Variants in TTC17 observed in about 807,000 individuals in gnomAD.
TTC17 encodes tetratricopeptide repeat domain 17.
A neutral mutation model predicts 143.8 loss-of-function variants in TTC17; 58 were observed. That is an observed-to-expected ratio of 0.40 (90% confidence interval 0.33 to 0.50). The LOEUF (loss-of-function observed/expected upper bound fraction) is 0.50. Ranked by LOEUF, TTC17 falls within the 20% of genes least tolerant of loss-of-function variation. The pLI is 0.49. For missense variants in TTC17, 1,273 were observed against 1,392.5 expected (o/e 0.91, Z 1.37); for synonymous variants, 501 against 497.8 (o/e 1.01, Z -0.09).
intron 21 of TTC17, among the ~76,000 whole-genome samples, chr11:43,465,090 A>G (rs1045826640): frequency 6.6e-6 from 1 of 152,224 alleles, no homozygotes; most frequent in Non-Finnish European, 1.5e-5. Context: ...TTAAGAAGGG[A>G]CAAAACTAAG....
intron 2 of TTC17, chr11:43,385,732 A>G (rs1249353983): frequency 6.6e-6 from 1 of 151,322 alleles, no homozygotes; most frequent in Non-Finnish European, 1.5e-5. Context: ...AAAAAAAAAA[A>G]GACTGAAAAG....
chr11:43,373,433 C>T (rs966890493), intron 1 of TTC17, among the ~76,000 whole-genome samples: 6 of 151,664 alleles, frequency 4.0e-5, no homozygotes, highest in African/African-American at 1.2e-4. Context: ...ACGCCATTCT[C>T]CTGCCTCAGC....
intron 21 of TTC17, among the ~76,000 whole-genome samples, chr11:43,482,095 G>C (rs1427565216): frequency 6.6e-6 from 1 of 151,908 alleles, no homozygotes; most frequent in African/African-American, 2.4e-5. Context: ...CAGCCACCAT[G>C]CTTGGCCATT....
intron 16 of TTC17, among the ~76,000 whole-genome samples, chr11:43,424,781 A>G (rs1946987657): frequency 6.6e-6 from 1 of 152,130 alleles, no homozygotes; most frequent in African/African-American, 2.4e-5. Flanking sequence ...AGAAACATGA[A>G]AAGTTAATTG....
In TTC17 at chr11:43,393,617, CA is replaced by C. The variant is rs532714504; in HGVS notation, c.663+1666del. 6.6e-5 allele frequency among the ~76,000 whole-genome samples: 10 copies of C among 152,282 alleles called. No homozygotes were observed. In the East Asian group the frequency reaches 1.5e-3, roughly 23 times the overall value. On this transcript the variant is annotated intron_variant, in intron 5 of 23. Coordinates refer to ENST00000039989, the MANE Select transcript of TTC17 (RefSeq NM_018259.6). Reference sequence around the variant, plus strand: ...TACTCTCTCTCCCCTCCCCGAAGGACAGGGGGAGGATGGGATTCTGAAAGAT... The same window carrying C: ...TACTCTCTCTCCCCTCCCCGAAGGACGGGGGAGGATGGGATTCTGAAAGAT...
At chr11:43,432,268 C>A (rs898687907) in intron 16 of TTC17, among the ~76,000 whole-genome samples, 1 of 152,134 alleles carries the variant, frequency 6.6e-6, no homozygotes, top group Non-Finnish European at 1.5e-5. Context: ...TTTGCAAACA[C>A]CCTTGTAGGA....
chr11:43,468,612 A>G (rs1948027724), intron 21 of TTC17, among the ~76,000 whole-genome samples: 1 of 152,192 alleles, frequency 6.6e-6, no homozygotes, highest in Admixed American at 6.5e-5. Context: ...GAACTATACA[A>G]GAAAAAAAAA....
In TTC17 at chr11:43,493,997, A is replaced by C. The variant is rs957085892; in HGVS notation, c.*93A>C. The C allele has an allele frequency of 2.1e-6, 3 of 1,435,550 alleles. No homozygotes were observed. The highest frequency in any genetic ancestry group is 1.8e-4 in the Middle Eastern group (1 of 5,418). The allele number at this position is 1,435,550 out of a possible 1,614,324, so 88.9% of individuals were successfully genotyped here. On this transcript the variant is annotated 3_prime_UTR_variant, in exon 24 of 24. Transcript: ENST00000039989. ...TCATTGTCAGTATCTACTATTAATGATGTGTGTGAAAATAACTAAGACTTA... is the reference window on the plus strand; with the variant it reads ...TCATTGTCAGTATCTACTATTAATGCTGTGTGTGAAAATAACTAAGACTTA...
chr11:43,462,333 G>A (rs188325398), intron 21 of TTC17, among the ~76,000 whole-genome samples: 21 of 152,292 alleles, frequency 1.4e-4, no homozygotes, highest in African/African-American at 4.8e-4. Flanking sequence ...TGGAGATGGA[G>A]CGATTATCCT....
intron 21 of TTC17, among the ~76,000 whole-genome samples, chr11:43,489,289 A>C: frequency 6.6e-6 from 1 of 152,226 alleles, no homozygotes; most frequent in African/African-American, 2.4e-5. Context: ...ACAAATATGG[A>C]AGAATGGTCA....
chr11:43,412,212 G>A (rs958032483), intron 15 of TTC17, among the ~76,000 whole-genome samples: 5 of 152,130 alleles, frequency 3.3e-5, no homozygotes, highest in Non-Finnish European at 7.3e-5. Flanking sequence ...GATCTGCTGT[G>A]GTGGCTCACA....
At chr11:43,461,088 T>A (rs1053050716) in intron 21 of TTC17, among the ~76,000 whole-genome samples, 1 of 152,106 alleles carries the variant, frequency 6.6e-6, no homozygotes, top group Non-Finnish European at 1.5e-5. Flanking sequence ...ACAGAAATGA[T>A]AAAAACTAGA....
At chr11:43,490,134 A>G in intron 21 of TTC17, 105 bp from the exon 22 acceptor site, 1 of 1,467,342 alleles carries the variant, frequency 6.8e-7, no homozygotes, top group East Asian at 2.4e-5. Context: ...AGCACTTAGT[A>G]AATACTCAGT....
At chr11:43,437,516 T>G (rs997390922) in intron 16 of TTC17, among the ~76,000 whole-genome samples, 10 of 152,206 alleles carry the variant, frequency 6.6e-5, no homozygotes. Context: ...AAAGAGTTGT[T>G]TCTAAAATGT....
chr11:43,483,099 T>G (rs1948317318), intron 21 of TTC17, among the ~76,000 whole-genome samples: 1 of 152,098 alleles, frequency 6.6e-6, no homozygotes, highest in South Asian at 2.1e-4. Context: ...AGACAATTTC[T>G]TAGAAAAATG....
At chr11:43,418,967 T>C (rs1946839569) in intron 16 of TTC17, among the ~76,000 whole-genome samples, 1 of 152,208 alleles carries the variant, frequency 6.6e-6, no homozygotes, top group Non-Finnish European at 1.5e-5. Context: ...CATTCGATTT[T>C]ACTTTATTTT....
At chr11:43,416,060 A>G (rs1946771606) in intron 16 of TTC17, among the ~76,000 whole-genome samples, 1 of 152,172 alleles carries the variant, frequency 6.6e-6, no homozygotes, top group Non-Finnish European at 1.5e-5. Context: ...ATACTGGCTA[A>G]AAGTAAGCCA....
intron 1 of TTC17, chr11:43,369,953 T>G: frequency 2.5e-6 from 1 of 406,008 alleles, no homozygotes; most frequent in South Asian, 1.8e-5. Flanking sequence ...TACTCTAGCT[T>G]CAAAAAGTCA....
At chr11:43,482,296 T>A (rs1948303007) in intron 21 of TTC17, among the ~76,000 whole-genome samples, 1 of 151,822 alleles carries the variant, frequency 6.6e-6, no homozygotes, top group Admixed American at 6.6e-5. Context: ...GCTTGTATTA[T>A]TGACTTGATC....
Sources: allele counts gnomAD v4.1 joint callset (sites outside exome capture counted in the v4.1 genomes callset), GRCh38; gene constraint gnomAD v4.1.1; transcripts MANE v1.5; gene names NCBI Gene and HGNC (gene_info 2026-07-23, HGNC 2026-07-21).